SEPTIN9: variants seen among roughly 807,000 people sequenced by gnomAD.
SEPTIN9 encodes septin 9.
Under a neutral mutation model 56.6 loss-of-function variants are expected in SEPTIN9, and 13 were observed. That is an observed-to-expected ratio of 0.23 (90% CI 0.15 to 0.37). The LOEUF is 0.37. Among genes scored for constraint, SEPTIN9 ranks in the 10% least tolerant of loss-of-function variants. SEPTIN9 has a pLI of 1.00. For missense variants in SEPTIN9, 650 were observed against 823.1 expected (o/e 0.79, Z 2.57); for synonymous variants, 332 against 334.1 (o/e 0.99, Z 0.07).
intron 3 of SEPTIN9, among the ~76,000 whole-genome samples, chr17:77,411,279 T>G (rs1220952553): frequency 6.6e-6 from 1 of 152,200 alleles, no homozygotes; most frequent in East Asian, 1.9e-4. Flanking sequence ...AAAGTCAATG[T>G]GTAAATATAG....
At chr17:77,335,381 G>A (rs866573355) in intron 2 of SEPTIN9, among the ~76,000 whole-genome samples, 13 of 126,014 alleles carry the variant, frequency 1.0e-4, no homozygotes, top group South Asian at 5.2e-4. Context: ...TATAGGCCCC[G>A]TGTTGACTGT....
intron 2 of SEPTIN9, chr17:77,375,960 G>A (rs2034904976): frequency 2.0e-5 from 6 of 305,820 alleles, no homozygotes; most frequent in Non-Finnish European, 2.4e-5. Flanking sequence ...ACAGACAGAC[G>A]TGGGGAAGGG....
chr17:77,424,435 C>T (rs2036822537), intron 3 of SEPTIN9, among the ~76,000 whole-genome samples: 2 of 152,246 alleles, frequency 1.3e-5, no homozygotes, highest in Non-Finnish European at 2.9e-5. Flanking sequence ...GTTGTGGACA[C>T]CTCCACGGCC....
At chr17:77,447,269 T>C (rs918743670) in intron 3 of SEPTIN9, 1 of 164,620 alleles carries the variant, frequency 6.1e-6, no homozygotes, top group African/African-American at 2.4e-5. Flanking sequence ...TGTGCCGCCC[T>C]CTCCTCCCCT....
chr17:77,477,633 G>A (rs565823484), intron 3 of SEPTIN9, among the ~76,000 whole-genome samples: 1 of 152,264 alleles, frequency 6.6e-6, no homozygotes, highest in East Asian at 1.9e-4. Flanking sequence ...CACAGCCTCG[G>A]GCACCCAGGA....
rs2164450 is a variant in SEPTIN9, at chr17:77,436,063, A to G, written c.721+33360A>G. Reference sequence around the variant, plus strand: ...TATGCATGGGTACTTTGCCATCCACACTGGCTTCCACGGCTGGGTGGGAGT... The same window carrying G: ...TATGCATGGGTACTTTGCCATCCACGCTGGCTTCCACGGCTGGGTGGGAGT... On this transcript the variant is annotated intron_variant, in intron 3 of 11. Coordinates refer to ENST00000427177, the MANE Select transcript of SEPTIN9 (RefSeq NM_001113491.2). The surrounding 1 kb of genome is among the most constrained non-coding windows in gnomAD (Gnocchi z 4.4). Among the ~76,000 whole-genome samples, 1 of 152,180 alleles carries G rather than the reference A, an allele frequency of 6.6e-6. No individual in the cohort carries two copies. The highest frequency in any genetic ancestry group is 1.5e-5 in the Non-Finnish European group (1 of 68,030).
At chr17:77,411,889 G>A (rs1397900619) in intron 3 of SEPTIN9, among the ~76,000 whole-genome samples, 3 of 151,962 alleles carry the variant, frequency 2.0e-5, no homozygotes, top group African/African-American at 4.8e-5. Flanking sequence ...CAGCACTTTG[G>A]GAGGCCAAGG....
chr17:77,451,371 T>C lies in SEPTIN9; in HGVS notation c.722-30773T>C. 1 of 985,760 alleles carries C rather than the reference T, an allele frequency of 1.0e-6. No homozygotes were observed. Among genetic ancestry groups the C allele is most frequent in the Non-Finnish European group, 1.2e-6 (1 of 830,174 alleles). 61.1% of individuals were successfully genotyped at this position (985,760 alleles called of 1,614,324 possible). A position where few individuals can be genotyped will look rare whatever the true frequency, so the allele number is the denominator to read the frequency against. On this transcript the variant is annotated intron_variant, in intron 3 of 11. Transcript: ENST00000427177. This position sits in a 1 kb window ranked among gnomAD's most constrained non-coding sequence, Gnocchi z 4.2. ...CCACCGAGCCTCCCTTCCCAGGCAG[T>C]CGAGGTCCCTCCCTACCTCTGCCCC...
In SEPTIN9 at chr17:77,449,620, C is replaced by T. The variant is rs914694966; in HGVS notation, c.722-32524C>T. ...CGTGGTGGGAGCTGCATCCTCGAGG[C>T]TTTCTGTTGACCCTGACACCTGGCC... is the stretch of plus-strand genomic sequence containing the variant. On this transcript the variant is annotated intron_variant, in intron 3 of 11. Transcript: ENST00000427177. The surrounding 1 kb of genome is among the most constrained non-coding windows in gnomAD (Gnocchi z 4.6). Among the ~76,000 whole-genome samples the T allele has an allele frequency of 1.3e-5, 2 of 152,290 alleles. No individual in the cohort carries two copies. Among genetic ancestry groups the T allele is most frequent in the Non-Finnish European group, 2.9e-5 (2 of 68,022 alleles).
chr17:77,391,035 G>A (rs1273110907), intron 2 of SEPTIN9, among the ~76,000 whole-genome samples: 4 of 152,252 alleles, frequency 2.6e-5, no homozygotes, highest in Non-Finnish European at 5.9e-5. Context: ...GGCCGGCGGA[G>A]GCTGGGGCAA....
chr17:77,438,849 G>A (rs2037446077), intron 3 of SEPTIN9, among the ~76,000 whole-genome samples: 1 of 152,210 alleles, frequency 6.6e-6, no homozygotes, highest in South Asian at 2.1e-4. Flanking sequence ...AAATTCCCCT[G>A]TGGATCTCAA....
chr17:77,425,884 C>G lies in SEPTIN9; in HGVS notation c.721+23181C>G, dbSNP rs2036888585. ...TTGGACAGTCCCAGCCCTCCTGGAG[C>G]TGAGCATCCTGATCTGTAGAGGAGA... On this transcript the variant is annotated intron_variant, in intron 3 of 11. Coordinates refer to ENST00000427177, the MANE Select transcript of SEPTIN9 (RefSeq NM_001113491.2). This position sits in a 1 kb window ranked among gnomAD's most constrained non-coding sequence, Gnocchi z 4.2. Among the ~76,000 whole-genome samples, 1 of 152,220 alleles carries G rather than the reference C, an allele frequency of 6.6e-6. No homozygotes were observed. The highest frequency in any genetic ancestry group is 1.9e-4 in the East Asian group (1 of 5,184).
intron 1 of SEPTIN9, among the ~76,000 whole-genome samples, chr17:77,295,921 T>C (rs1162329192): frequency 6.6e-6 from 1 of 152,158 alleles, no homozygotes; most frequent in Non-Finnish European, 1.5e-5. Flanking sequence ...AACTGTGCCC[T>C]TCCCCTTGAA....
intron 3 of SEPTIN9, among the ~76,000 whole-genome samples, chr17:77,432,062 G>T (rs2037163644): frequency 6.6e-6 from 1 of 152,086 alleles, no homozygotes; most frequent in East Asian, 1.9e-4. Context: ...CAGCAGGGGG[G>T]CCCCTCACAT....
intron 3 of SEPTIN9, chr17:77,472,437 G>A (rs1163518138): frequency 2.6e-5 from 4 of 152,250 alleles, no homozygotes; most frequent in Non-Finnish European, 5.9e-5. Flanking sequence ...ATGAATGAAA[G>A]AGGAGGCTGG....
At position 77,405,790 on chromosome 17, in the gene SEPTIN9, T is replaced by A. The variant is rs367785659; in HGVS notation, c.721+3087T>A. On this transcript the variant is annotated intron_variant, in intron 3 of 11. Transcript: ENST00000427177. This position sits in a 1 kb window ranked among gnomAD's most constrained non-coding sequence, Gnocchi z 5.8. ...GTGTCACGACCGTTCTGGACACGGA[T>A]CCAGTTCTCTCCAACTCAGCTTCCT... Among the ~76,000 whole-genome samples, 51 of 152,192 alleles carry A rather than the reference T, an allele frequency of 3.4e-4. 3 individuals carry two copies. In the South Asian group the frequency reaches 0.01, roughly 30 times the overall value.
At chr17:77,448,484 C>CA (rs746241410) in intron 3 of SEPTIN9, among the ~76,000 whole-genome samples, 5,190 of 118,844 alleles carry the variant, frequency 0.044, 93 homozygotes, top group Non-Finnish European at 0.048. Context: ...CCCCGGCAAC[C>CA]AAAAAAAAAA....
Position 77,405,130 on chromosome 17 carries a change from C to G in SEPTIN9, c.721+2427C>G. The G allele has an allele frequency of 6.5e-7, 1 of 1,535,380 alleles. No individual in the cohort carries two copies. The highest frequency in any genetic ancestry group is 8.7e-7 in the Non-Finnish European group (1 of 1,146,718). Reference sequence around the variant, plus strand: ...GATGCACAGGGACGTGGTCCTGGCTCTGGGGGACAGGTAGGGGGATGTCCA... The same window carrying G: ...GATGCACAGGGACGTGGTCCTGGCTGTGGGGGACAGGTAGGGGGATGTCCA... On this transcript the variant is annotated intron_variant, in intron 3 of 11. Coordinates refer to ENST00000427177, the MANE Select transcript of SEPTIN9 (RefSeq NM_001113491.2). The surrounding 1 kb of genome is among the most constrained non-coding windows in gnomAD (Gnocchi z 5.8).
At chr17:77,281,585 C>T (rs996088416) in intron 1 of SEPTIN9, 31 bp downstream of exon 1, 36 of 1,532,732 alleles carry the variant, frequency 2.3e-5, no homozygotes, top group Non-Finnish European at 3.0e-5. Context: ...GGGGAGGGGT[C>T]GGTGTCCCGG....
Sources: allele counts gnomAD v4.1 joint callset (sites outside exome capture counted in the v4.1 genomes callset), GRCh38; gene constraint gnomAD v4.1.1; non-coding constraint Gnocchi (gnomAD v3.1); transcripts MANE v1.5; gene names NCBI Gene and HGNC (gene_info 2026-07-23, HGNC 2026-07-21).